PBXIP1: variants seen among roughly 807,000 people sequenced by gnomAD.
The protein encoded by PBXIP1 is PBX homeobox interacting protein 1.
In PBXIP1, 73 loss-of-function variants were observed where a neutral mutation model predicts 73.7. The ratio of observed to expected loss-of-function variants is 0.99; its 90% CI spans 0.82 to 1.20. PBXIP1 has a LOEUF of 1.20. Ranked by LOEUF, PBXIP1 falls within the 50% of genes most tolerant of loss-of-function variation. PBXIP1 has a pLI of 0.00. For synonymous variants in PBXIP1, 330 were observed against 366.9 expected (o/e 0.90, Z 1.15); for missense variants, 818 against 911.4 (o/e 0.90, Z 1.32).
At position 154,946,582 on chromosome 1, in the gene PBXIP1, C is replaced by A; in HGVS notation, c.1092G>T (p.Lys364Asn). 6.2e-7 allele frequency: 1 copy of A among 1,613,004 alleles called. No individual in the cohort carries two copies. Among genetic ancestry groups the A allele is most frequent in the East Asian group, 2.2e-5 (1 of 44,864 alleles). Residue 364 changes from lysine to asparagine, a missense_variant, in exon 10 of 11, where the codon AAG (lysine) becomes AAT (asparagine). Lys to Asn is a moderately conservative substitution (Grantham distance 94). Coordinates refer to ENST00000368463, the MANE Select transcript of PBXIP1 (RefSeq NM_020524.4). ...LSGGRGPQGD[K>N]AIREQGPREQ... ...CCCTGGGGCCTTGCTCCCTGATGGCCTTGTCACCCTGTGGGCCTCTACCCC... is the reference window on the plus strand; with the variant it reads ...CCCTGGGGCCTTGCTCCCTGATGGCATTGTCACCCTGTGGGCCTCTACCCC...
rs758240858 is a variant in PBXIP1, at chr1:154,945,999, G to A, written c.1675C>T (p.Arg559Trp). 12 of 1,614,060 alleles carry A rather than the reference G, an allele frequency of 7.4e-6. No individual in the cohort carries two copies. The highest frequency in any genetic ancestry group is 1.7e-4 in the Middle Eastern group (1 of 6,060). Residue 559 changes from arginine to tryptophan, a missense_variant, in exon 10 of 11, where the codon CGG (arginine) becomes TGG (tryptophan). Coordinates refer to ENST00000368463, the MANE Select transcript of PBXIP1 (RefSeq NM_020524.4). ...CTGTCCTTAGTCCCTTCCCTCCACC[G>A]AGGTTGCTTCTGCTTTTCTCCAGAG... ...HSSGEKQKQP[R>W]WREGTKDSHD...
intron 10 of PBXIP1, 111 bp downstream of exon 10, chr1:154,945,461 G>A (rs1654770044): frequency 1.7e-6 from 2 of 1,204,694 alleles, no homozygotes; most frequent in South Asian, 1.4e-5. Context: ...CTTCTCTAAG[G>A]GAAGCCAGCT....
At position 154,951,199 on chromosome 1, in the gene PBXIP1, G is replaced by A. The variant is rs536506630; in HGVS notation, c.409+33C>T. 2.0e-5 allele frequency: 32 copies of A among 1,599,876 alleles called. No individual in the cohort carries two copies. Among genetic ancestry groups the A allele is most frequent in the Non-Finnish European group, 2.7e-5 (31 of 1,168,380 alleles). ...ATCCCTCTCCCATACCTTCTAGAAG[G>A]AGAGTGACAGGAGAGGCAAGGAAGA... is the stretch of plus-strand genomic sequence containing the variant. On this transcript the variant is annotated intron_variant, in intron 5 of 10. Coordinates refer to ENST00000368463, the MANE Select transcript of PBXIP1 (RefSeq NM_020524.4). This position sits in a 1 kb window ranked among gnomAD's most constrained non-coding sequence, Gnocchi z 4.3.
At position 154,947,711 on chromosome 1, in the gene PBXIP1, C is replaced by A. The variant is rs1281274728; in HGVS notation, c.669G>T (p.Gly223=). ...FSGGLSESET[G]PMEEVERQVL... ...CCTGCCGCTCCACTTCCTCCATGGG[C>A]CCTGTGGGAAAGGGAAACCCTGAAA... Residue 223 remains glycine, a splice_region_variant and synonymous_variant, in exon 8 of 11, where the codon GGG becomes GGT. Transcript: ENST00000368463. 3.7e-6 allele frequency: 6 copies of A among 1,613,112 alleles called. No homozygotes were observed. Among genetic ancestry groups the A allele is most frequent in the Non-Finnish European group, 5.1e-6 (6 of 1,179,776 alleles).
intron 7 of PBXIP1, 89 bp from the exon 8 acceptor site, chr1:154,947,801 G>A: frequency 6.9e-7 from 1 of 1,450,150 alleles, no homozygotes. Flanking sequence ...CACCACTCCT[G>A]CTCAGGACCC....
chr1:154,952,663 CT>C (rs1368704455), intron 2 of PBXIP1, among the ~76,000 whole-genome samples: 2 of 152,288 alleles, frequency 1.3e-5, no homozygotes, highest in South Asian at 2.1e-4. Context: ...ATGGTCCCCC[CT>C]ACAAGGCAAA....
chr1:154,954,819 G>A (rs915908705), intron 1 of PBXIP1: 1 of 225,078 alleles, frequency 4.4e-6, no homozygotes, highest in African/African-American at 2.3e-5. Flanking sequence ...GCATAAAGGT[G>A]GAAGGATAGA....
chr1:154,953,985 C>T (rs1655093160), intron 1 of PBXIP1, among the ~76,000 whole-genome samples: 1 of 152,182 alleles, frequency 6.6e-6, no homozygotes, highest in African/African-American at 2.4e-5. Flanking sequence ...CAGGGACCAA[C>T]AGGGCCTTGG....
intron 2 of PBXIP1, among the ~76,000 whole-genome samples, 168 bp downstream of exon 2, chr1:154,953,503 T>C (rs549849899): frequency 6.6e-6 from 1 of 152,216 alleles, no homozygotes; most frequent in African/African-American, 2.4e-5. Flanking sequence ...ACCTGACCCC[T>C]GGGGCCTGAT....
At chr1:154,947,766 C>A in intron 7 of PBXIP1, 54 bp from the exon 8 acceptor site, 10 of 1,551,016 alleles carry the variant, frequency 6.4e-6, no homozygotes, top group Non-Finnish European at 8.0e-6. Flanking sequence ...AGCCCATTCT[C>A]CCCACACCTT....
Position 154,945,926 on chromosome 1 carries a change from C to G in PBXIP1, c.1748G>C (p.Arg583Pro), listed in dbSNP as rs199769816. Reference protein sequence around the residue: ...SWAELLRPKYRAPQGCSGVDE... With the variant: ...SWAELLRPKYPAPQGCSGVDE... ...CACACCTGAGCAGCCCTGGGGTGCCCGGTACTTGGGCCTCAACAGCTCTGC... is the reference window on the plus strand; with the variant it reads ...CACACCTGAGCAGCCCTGGGGTGCCGGGTACTTGGGCCTCAACAGCTCTGC... The change falls in exon 10 of 11, where the codon CGG (arginine) becomes CCG (proline). Residue 583 changes from arginine (R) to proline (P), a missense_variant. Physicochemically the swap from Arg to Pro is moderately radical, Grantham distance 103. Coordinates refer to ENST00000368463, the MANE Select transcript of PBXIP1 (RefSeq NM_020524.4). 3 of 1,614,198 alleles carry G rather than the reference C, an allele frequency of 1.9e-6. No homozygotes were observed. Among genetic ancestry groups the G allele is most frequent in the Non-Finnish European group, 2.5e-6 (3 of 1,180,004 alleles).
At position 154,956,055 on chromosome 1, in the gene PBXIP1, A is replaced by C. The variant is rs1286238555; in HGVS notation, c.-37+14T>G. The C allele has an allele frequency of 6.6e-6, 1 of 152,370 alleles. No individual in the cohort carries two copies. Among genetic ancestry groups the C allele is most frequent in the Non-Finnish European group, 1.5e-5 (1 of 68,034 alleles). 9.4% of individuals were successfully genotyped at this position (152,370 alleles called of 1,614,324 possible). A position where few individuals can be genotyped will look rare whatever the true frequency, so the allele number is the denominator to read the frequency against. ...AAAGCGAATCTGTGGACCCCTTCCC[A>C]GCTAAGGCATTACCTGAACCAGCTC... On this transcript the variant is annotated intron_variant, in intron 1 of 10. Transcript: ENST00000368463.
Position 154,951,244 on chromosome 1 carries a change from T to C in PBXIP1, c.397A>G (p.Thr133Ala), listed in dbSNP as rs1385548381. Reference protein sequence around the residue: ...GQSPPQSLPSTPKAAWIREEG... With the variant: ...GQSPPQSLPSAPKAAWIREEG... ...GGAAGACTCTCACCTGCTTTGGGGG[T>C]TGAAGGCAGGCTCTGTGGAGGGCTC... Residue 133 changes from threonine to alanine, a missense_variant, in exon 5 of 11, where the codon ACC becomes GCC. By Grantham distance (58) the Thr-to-Ala change is moderately conservative. Transcript: ENST00000368463. This position sits in a 1 kb window ranked among gnomAD's most constrained non-coding sequence, Gnocchi z 4.3. 1 of 1,613,764 alleles carries C rather than the reference T, an allele frequency of 6.2e-7. No homozygotes were observed. The highest frequency in any genetic ancestry group is 1.3e-5 in the African/African-American group (1 of 74,862).
At chr1:154,949,002 C>T (rs1654924297) in intron 5 of PBXIP1, among the ~76,000 whole-genome samples, 1 of 152,140 alleles carries the variant, frequency 6.6e-6, no homozygotes, top group Non-Finnish European at 1.5e-5. Flanking sequence ...ACTGCTTCCA[C>T]CATCTAGCTA....
intron 5 of PBXIP1, among the ~76,000 whole-genome samples, chr1:154,949,500 A>G (rs141023856): frequency 2.0e-5 from 3 of 152,108 alleles, no homozygotes; most frequent in Admixed American, 6.5e-5. Flanking sequence ...GGGATCCCCA[A>G]ATTCCATCCT....
Position 154,951,999 on chromosome 1 carries a change from A to C in PBXIP1, c.52-78T>G. The C allele has an allele frequency of 5.3e-6, 8 of 1,496,376 alleles. No individual in the cohort carries two copies. Among genetic ancestry groups the C allele is most frequent in the Non-Finnish European group, 7.2e-6 (8 of 1,112,348 alleles). 92.7% of individuals were successfully genotyped at this position (1,496,376 alleles called of 1,614,324 possible). ...CCACATCCCAGAAACACACACATTC[A>C]GTCATGAGCTGGCCCAAAAAGGGGC... On this transcript the variant is annotated intron_variant, in intron 2 of 10. Coordinates refer to ENST00000368463, the MANE Select transcript of PBXIP1 (RefSeq NM_020524.4). The surrounding 1 kb of genome is among the most constrained non-coding windows in gnomAD (Gnocchi z 4.3).
At position 154,944,945 on chromosome 1, in the gene PBXIP1, G is replaced by A. The variant is rs903634692; in HGVS notation, c.*79C>T. On this transcript the variant is annotated 3_prime_UTR_variant, in exon 11 of 11. Transcript: ENST00000368463. The stretch of plus-strand genomic sequence containing the variant: ...TGAGGACACCAAACAAGCCAGGACA[G>A]AGTCCACCCTCCAGGAGTTAGATAA... The A allele has an allele frequency of 8.5e-7, 1 of 1,177,580 alleles. No individual in the cohort carries two copies. The highest frequency in any genetic ancestry group is 1.5e-5 in the African/African-American group (1 of 66,586). 72.9% of individuals were successfully genotyped at this position (1,177,580 alleles called of 1,614,324 possible).
rs1430026829 is a variant in PBXIP1 at position 154,945,663 on chromosome 1, C to T, written c.2011G>A (p.Ala671Thr). 2.5e-6 allele frequency: 4 copies of T among 1,614,208 alleles called. No homozygotes were observed. The highest frequency in any genetic ancestry group is 3.4e-6 in the Non-Finnish European group (4 of 1,180,010). The change falls in exon 10 of 11, where the codon GCT (alanine) becomes ACT (threonine). Residue 671 changes from alanine (A) to threonine (T), a missense_variant. Transcript: ENST00000368463. ...DALEDSLEEV[A>T]VQQTGDDDEV... ...TCATCATCACCTGTCTGTTGCACAG[C>T]CACCTCCTCCAAGCTGTCCTCCAGG... is the stretch of plus-strand genomic sequence containing the variant.
At position 154,948,120 on chromosome 1, in the gene PBXIP1, A is replaced by C; in HGVS notation, c.643+13T>G. 6.4e-7 allele frequency: 1 copy of C among 1,572,392 alleles called. No individual in the cohort carries two copies. The highest frequency in any genetic ancestry group is 8.6e-7 in the Non-Finnish European group (1 of 1,156,532). ...TGGAAGCCCAAAGCCCCAGCCTCAG[A>C]GGTACCACTCACCTGAGAAGAGGAG... On this transcript the variant is annotated intron_variant, in intron 6 of 10. Transcript: ENST00000368463.
Sources: allele counts gnomAD v4.1 joint callset (sites outside exome capture counted in the v4.1 genomes callset), GRCh38; gene constraint gnomAD v4.1.1; non-coding constraint Gnocchi (gnomAD v3.1); transcripts MANE v1.5; gene names NCBI Gene and HGNC (gene_info 2026-07-23, HGNC 2026-07-21).